Variants in MTUS2 observed in about 807,000 individuals in gnomAD.
The protein encoded by MTUS2 is microtubule-associated tumor suppressor candidate 2.
A neutral mutation model predicts 114.1 loss-of-function variants in MTUS2; 40 were observed. The observed-to-expected ratio is 0.35, with a 90% CI of 0.27 to 0.46. The LOEUF is 0.46. Ranked by LOEUF, MTUS2 falls within the 20% of genes least tolerant of loss-of-function variation. The probability of loss-of-function intolerance (pLI) is 1.00; values close to 1 mark genes in which losing one functional copy is unlikely to be tolerated. For missense variants in MTUS2, 1,679 were observed against 1,705.4 expected, an observed-to-expected ratio of 0.98 and a Z score of 0.27; for synonymous variants, 688 against 672.0, an observed-to-expected ratio of 1.02 and a Z score of -0.37.
intron 8 of MTUS2, among the ~76,000 whole-genome samples, chr13:29,429,053 T>G (rs1246043476): frequency 6.6e-6 from 1 of 152,224 alleles, no homozygotes; most frequent in African/African-American, 2.4e-5. Context: ...TGCTGAATTG[T>G]GAGTGGTGTT....
chr13:29,373,336 T>C (rs1037230707), intron 8 of MTUS2, among the ~76,000 whole-genome samples: 5 of 152,108 alleles, frequency 3.3e-5, no homozygotes, highest in South Asian at 4.1e-4. Context: ...ACACATACCA[T>C]CTGTCCACAA....
At chr13:29,410,905 C>T (rs1875183827) in intron 8 of MTUS2, among the ~76,000 whole-genome samples, 1 of 152,184 alleles carries the variant, frequency 6.6e-6, no homozygotes, top group South Asian at 2.1e-4. Context: ...GATCTCGGCT[C>T]ACTGCAGCCT....
chr13:29,120,608 G>A (rs976015577), intron 5 of MTUS2, among the ~76,000 whole-genome samples: 5 of 151,996 alleles, frequency 3.3e-5, no homozygotes, highest in African/African-American at 7.2e-5. Flanking sequence ...GAAATATATC[G>A]CCACTTAAAA....
chr13:28,885,289 T>A (rs1878527885), intron 2 of MTUS2, among the ~76,000 whole-genome samples: 1 of 152,196 alleles, frequency 6.6e-6, no homozygotes, highest in African/African-American at 2.4e-5. Context: ...GGCAACTCGA[T>A]ACCAAGAGGT....
chr13:29,011,202 T>C (rs1885828225), intron 2 of MTUS2, among the ~76,000 whole-genome samples: 1 of 152,232 alleles, frequency 6.6e-6, no homozygotes, highest in Admixed American at 6.5e-5. Context: ...TCTAAAGCGA[T>C]TTTTATATAT....
chr13:29,142,106 C>T (rs1014755195), intron 5 of MTUS2, among the ~76,000 whole-genome samples: 10 of 151,874 alleles, frequency 6.6e-5, no homozygotes, highest in South Asian at 6.3e-4. Context: ...ATGATCCGCC[C>T]GCCTCGGCCT....
At chr13:29,321,570 T>C (rs1900256955) in intron 6 of MTUS2, among the ~76,000 whole-genome samples, 1 of 152,224 alleles carries the variant, frequency 6.6e-6, no homozygotes, top group Non-Finnish European at 1.5e-5. Flanking sequence ...AAACTTTCGA[T>C]TTGAGTTATT....
chr13:29,265,512 C>T (rs1054936754), intron 5 of MTUS2, among the ~76,000 whole-genome samples: 18 of 152,096 alleles, frequency 1.2e-4, no homozygotes, highest in African/African-American at 3.9e-4. Flanking sequence ...ACCAGTTTTC[C>T]GTGTTAGATT....
chr13:29,037,900 T>C (rs1887157197), intron 4 of MTUS2, among the ~76,000 whole-genome samples: 1 of 152,242 alleles, frequency 6.6e-6, no homozygotes, highest in Non-Finnish European at 1.5e-5. Context: ...TTATTCTAGT[T>C]AGCAATTCAT....
intron 9 of MTUS2, among the ~76,000 whole-genome samples, chr13:29,442,814 C>T (rs1162740820): frequency 6.6e-6 from 1 of 152,218 alleles, no homozygotes; most frequent in Non-Finnish European, 1.5e-5. Flanking sequence ...GTTGGGTCTT[C>T]AGAGACTCAG....
chr13:29,034,604 T>C (rs1593404817), intron 4 of MTUS2, among the ~76,000 whole-genome samples: 1 of 152,138 alleles, frequency 6.6e-6, no homozygotes, highest in African/African-American at 2.4e-5. Flanking sequence ...CCTGAGCAAC[T>C]GGAAGAATGG....
chr13:29,102,799 TTGTTTC>T (rs1403696710), intron 5 of MTUS2, among the ~76,000 whole-genome samples: 1 of 152,210 alleles, frequency 6.6e-6, no homozygotes, highest in Non-Finnish European at 1.5e-5. Flanking sequence ...AATAAATATT[TTGTTTC>T]TGTTCTTTAG....
chr13:29,384,581 G>A (rs1326935023), intron 8 of MTUS2, among the ~76,000 whole-genome samples: 1 of 152,146 alleles, frequency 6.6e-6, no homozygotes, highest in Non-Finnish European at 1.5e-5. Context: ...TAAGATAAAG[G>A]CCTCTGCTAC....
chr13:28,868,251 T>C (rs1877416544), intron 2 of MTUS2, among the ~76,000 whole-genome samples: 1 of 152,222 alleles, frequency 6.6e-6, no homozygotes, highest in Non-Finnish European at 1.5e-5. Context: ...TATAATAGTG[T>C]TATTCTTCGT....
chr13:28,894,295 AGAGAGAGAG>A (rs1566203604), intron 2 of MTUS2, among the ~76,000 whole-genome samples: 31 of 4,532 alleles, frequency 6.8e-3, no homozygotes, highest in African/African-American at 0.031. Context: ...GGGGGGAGAG[AGAGAGAGAG>A]GGGGGGGGGG....
chr13:28,855,990 T>A (rs1291081103), intron 2 of MTUS2, among the ~76,000 whole-genome samples: 2 of 152,178 alleles, frequency 1.3e-5, no homozygotes, highest in Non-Finnish European at 2.9e-5. Flanking sequence ...GGTATCTCAT[T>A]GTGGTTTTGA....
At chr13:29,002,659 G>T (rs746105481) in intron 2 of MTUS2, among the ~76,000 whole-genome samples, 1 of 152,160 alleles carries the variant, frequency 6.6e-6, no homozygotes, top group Non-Finnish European at 1.5e-5. Flanking sequence ...TTTAAATCTA[G>T]CAGTTAATCC....
At chr13:29,228,206 G>A (rs1896187246) in intron 5 of MTUS2, among the ~76,000 whole-genome samples, 3 of 152,224 alleles carry the variant, frequency 2.0e-5, no homozygotes, top group Non-Finnish European at 1.5e-5. Flanking sequence ...GTGATAAATT[G>A]TGGAGCCTCC....
intron 5 of MTUS2, among the ~76,000 whole-genome samples, chr13:29,278,100 C>T (rs920652867): frequency 2.0e-5 from 3 of 152,100 alleles, no homozygotes; most frequent in Non-Finnish European, 4.4e-5. Flanking sequence ...CCTGGGACAG[C>T]GGGCTGCTAT....
Sources: gnomAD v4.1 joint callset for allele counts (sites outside exome capture counted in the v4.1 genomes callset) on GRCh38, gnomAD v4.1.1 for gene constraint, MANE v1.5 for transcripts, NCBI Gene and HGNC (gene_info 2026-07-23, HGNC 2026-07-21) for gene names.